Variants in GPD1L observed in about 807,000 individuals in gnomAD.
GPD1L encodes the protein glycerol-3-phosphate dehydrogenase 1 like.
Under a neutral mutation model 32.9 loss-of-function variants are expected in GPD1L, and 17 were observed. That is an observed-to-expected ratio of 0.52 (90% CI 0.35 to 0.78). GPD1L has a LOEUF of 0.78. Among genes scored for constraint, GPD1L ranks in the 30% least tolerant of loss-of-function variants. The pLI is 0.01. For missense variants in GPD1L, 361 were observed against 447.8 expected (o/e 0.81, Z 1.75); for synonymous variants, 187 against 165.9 (o/e 1.13, Z -0.98).
intron 4 of GPD1L, 28 bp downstream of exon 4, chr3:32,140,394 G>A: frequency 1.2e-6 from 2 of 1,612,894 alleles, no homozygotes; most frequent in Non-Finnish European, 1.7e-6. Context: ...GGGACCCCAG[G>A]AGTCTGGACA....
At position 32,158,936 on chromosome 3, in the gene GPD1L, G is replaced by A. The variant is rs749527173; in HGVS notation, c.679G>A (p.Ala227Thr). The A allele has an allele frequency of 1.9e-6, 3 of 1,614,150 alleles. No homozygotes were observed. The Admixed American group carries it at 5.0e-5, about 27-fold the overall frequency. ...CCTCCGCTGTGGAGACAACACCAAA[G>A]CGGCCGTCATCCGCCTGGGACTCAT... ...DGLRCGDNTK[A>T]AVIRLGLMEM... Residue 227 changes from alanine to threonine, a missense_variant, in exon 6 of 8, where the codon GCG becomes ACG. Coordinates refer to ENST00000282541, the MANE Select transcript of GPD1L (RefSeq NM_015141.4).
chr3:32,149,406 C>G (rs1700878687), intron 5 of GPD1L, among the ~76,000 whole-genome samples: 1 of 152,130 alleles, frequency 6.6e-6, no homozygotes, highest in African/African-American at 2.4e-5. Context: ...TAGTAATATT[C>G]TCCATACTAG....
At chr3:32,145,545 T>C (rs1016932123) in intron 4 of GPD1L, among the ~76,000 whole-genome samples, 4 of 152,112 alleles carry the variant, frequency 2.6e-5, no homozygotes, top group African/African-American at 9.7e-5. Context: ...GCAACCCAAG[T>C]TTCCAGCTGC....
Position 32,165,825 on chromosome 3 carries a change from T to C in GPD1L, c.971T>C (p.Phe324Ser). Residue 324 changes from phenylalanine (F) to serine (S), a missense_variant, in exon 8 of 8, where the codon TTT (phenylalanine) becomes TCT (serine). By Grantham distance (155) the Phe-to-Ser change is radical. Coordinates refer to ENST00000282541, the MANE Select transcript of GPD1L (RefSeq NM_015141.4). ...QKGLLDKFPL[F>S]TAVYQICYES... Reference sequence around the variant, plus strand: ...TTCCTCCCAACTAGGTTTCCATTGTTTACTGCAGTGTATCAGATCTGCTAC... The same window carrying C: ...TTCCTCCCAACTAGGTTTCCATTGTCTACTGCAGTGTATCAGATCTGCTAC... The C allele has an allele frequency of 6.3e-7, 1 of 1,591,674 alleles. No individual in the cohort carries two copies. The highest frequency in any genetic ancestry group is 8.6e-7 in the Non-Finnish European group (1 of 1,159,554).
At chr3:32,126,876 C>G (rs567344531) in intron 1 of GPD1L, among the ~76,000 whole-genome samples, 2 of 152,174 alleles carry the variant, frequency 1.3e-5, no homozygotes, top group African/African-American at 4.8e-5. Flanking sequence ...GTCTGGGACT[C>G]AGGATTTTTA....
intron 5 of GPD1L, 103 bp downstream of exon 5, chr3:32,146,837 G>A (rs1700838036): frequency 1.3e-6 from 1 of 780,926 alleles, no homozygotes; most frequent in Non-Finnish European, 2.3e-6. Context: ...ACCCACATCA[G>A]CGAAGAATAG....
At chr3:32,120,974 A>G (rs1472236213) in intron 1 of GPD1L, among the ~76,000 whole-genome samples, 1 of 151,758 alleles carries the variant, frequency 6.6e-6, no homozygotes, top group Admixed American at 6.6e-5. Flanking sequence ...GGGGGTTAGG[A>G]CCTCCTGCAG....
intron 5 of GPD1L, among the ~76,000 whole-genome samples, chr3:32,148,239 A>G (rs1342453914): frequency 1.3e-5 from 2 of 152,236 alleles, no homozygotes; most frequent in African/African-American, 4.8e-5. Flanking sequence ...AACCCTGCCC[A>G]GAGCAAAGAG....
intron 1 of GPD1L, among the ~76,000 whole-genome samples, chr3:32,119,154 A>G (rs1440161039): frequency 6.6e-6 from 1 of 152,136 alleles, no homozygotes; most frequent in Non-Finnish European, 1.5e-5. Context: ...GCTTGATCAT[A>G]TGTTAGTTCT....
chr3:32,165,340 C>T lies in GPD1L; in HGVS notation c.960-474C>T, dbSNP rs146228163. ...GACATAAGATGAGTGCTTTGCTAAT[C>T]GTGGGTCCTCACTCGGATTCTTGCG... On this transcript the variant is annotated intron_variant, in intron 7 of 7. Transcript: ENST00000282541. Among the ~76,000 whole-genome samples the T allele has an allele frequency of 1.2e-4, 17 of 136,898 alleles. No homozygotes were observed. In the East Asian group the frequency reaches 3.6e-3, roughly 29 times the overall value. The allele number at this position is 136,898 out of a possible 152,430, so 89.8% of individuals were successfully genotyped here.
intron 2 of GPD1L, among the ~76,000 whole-genome samples, chr3:32,132,963 T>C (rs1700607682): frequency 6.6e-6 from 1 of 152,216 alleles, no homozygotes. Flanking sequence ...GAATTTCACC[T>C]GAGATCTTGG....
rs147338454 is a variant in GPD1L, at chr3:32,135,313, A to T, written c.226-3274A>T. On this transcript the variant is annotated intron_variant, in intron 2 of 7. Coordinates refer to ENST00000282541, the MANE Select transcript of GPD1L (RefSeq NM_015141.4). ...GCAAGGCCAGTGTTGAAGGGGAAGG[A>T]GTGATCGGAGTTCTTGTGAAGGCCG... is the stretch of plus-strand genomic sequence containing the variant. Among the ~76,000 whole-genome samples the T allele has an allele frequency of 3.7e-3, 562 of 152,288 alleles. 3 individuals are homozygous for T. The highest frequency in any genetic ancestry group is 0.013 in the African/African-American group (535 of 41,542).
chr3:32,156,800 A>G (rs375284061), intron 5 of GPD1L, among the ~76,000 whole-genome samples: 1 of 152,130 alleles, frequency 6.6e-6, no homozygotes, highest in Non-Finnish European at 1.5e-5. Context: ...TCTGTTTTTC[A>G]TCTCATCCCT....
chr3:32,163,944 C>T (rs1187916193), intron 7 of GPD1L, among the ~76,000 whole-genome samples: 1 of 152,210 alleles, frequency 6.6e-6, no homozygotes, highest in Non-Finnish European at 1.5e-5. Context: ...TTGGCTTTCC[C>T]TTGAACCTCA....
Position 32,159,002 on chromosome 3 carries a change from G to T in GPD1L, c.745G>T (p.Val249Leu), listed in dbSNP as rs148464224. Residue 249 changes from valine (V) to leucine (L), a missense_variant, in exon 6 of 8, where the codon GTG becomes TTG. Coordinates refer to ENST00000282541, the MANE Select transcript of GPD1L (RefSeq NM_015141.4). ...AFARIFCKGQ[V>L]STATFLESCG... ...TGCCAGGATCTTCTGCAAAGGCCAA[G>T]TGTCTACAGCCACCTTCCTAGAGAG... 2 of 1,613,998 alleles carry T rather than the reference G, an allele frequency of 1.2e-6. No homozygotes were observed. The highest frequency in any genetic ancestry group is 1.7e-6 in the Non-Finnish European group (2 of 1,180,056).
At chr3:32,134,792 A>T (rs1700641952) in intron 2 of GPD1L, among the ~76,000 whole-genome samples, 1 of 152,148 alleles carries the variant, frequency 6.6e-6, no homozygotes, top group Admixed American at 6.6e-5. Context: ...CTGGCTGGGG[A>T]TGTATTTTAG....
At chr3:32,110,214 G>T (rs973419099) in intron 1 of GPD1L, among the ~76,000 whole-genome samples, 1 of 152,224 alleles carries the variant, frequency 6.6e-6, no homozygotes, top group Non-Finnish European at 1.5e-5. Flanking sequence ...CACTGCGCCC[G>T]GCCTAAATCG....
chr3:32,146,279 G>T (rs957923017), intron 4 of GPD1L, among the ~76,000 whole-genome samples: 2 of 151,590 alleles, frequency 1.3e-5, no homozygotes, highest in African/African-American at 4.8e-5. Flanking sequence ...GTAGAGATGG[G>T]GTTTCACCAT....
intron 5 of GPD1L, among the ~76,000 whole-genome samples, chr3:32,152,517 G>A (rs1242763650): frequency 6.6e-6 from 1 of 152,182 alleles, no homozygotes; most frequent in African/African-American, 2.4e-5. Flanking sequence ...AATGCTGCCG[G>A]AGGGGAGGAG....
Sources: allele counts gnomAD v4.1 joint callset (sites outside exome capture counted in the v4.1 genomes callset), GRCh38; gene constraint gnomAD v4.1.1; transcripts MANE v1.5; gene names NCBI Gene and HGNC (gene_info 2026-07-23, HGNC 2026-07-21).